CACNB4: variants seen among roughly 807,000 people sequenced by gnomAD.
CACNB4 encodes the protein voltage-dependent L-type calcium channel subunit beta-4.
A neutral mutation model predicts 71.2 loss-of-function variants in CACNB4; 32 were observed. The observed-to-expected ratio is 0.45, with a 90% CI of 0.34 to 0.60. CACNB4 has a LOEUF of 0.60. Ranked by LOEUF, CACNB4 falls within the 20% of genes least tolerant of loss-of-function variation. The pLI is 0.01. For synonymous variants in CACNB4, 231 were observed against 236.9 expected, an observed-to-expected ratio of 0.97 and a Z score of 0.23; for missense variants, 464 against 647.9, an observed-to-expected ratio of 0.72 and a Z score of 3.08.
intron 2 of CACNB4, among the ~76,000 whole-genome samples, chr2:152,045,296 C>G (rs1416578152): frequency 6.6e-6 from 1 of 152,034 alleles, no homozygotes; most frequent in Non-Finnish European, 1.5e-5. Context: ...AGAGGAGTAG[C>G]TAAAGACAAT....
At chr2:151,934,699 T>C (rs2099862494) in intron 2 of CACNB4, among the ~76,000 whole-genome samples, 5 of 152,126 alleles carry the variant, frequency 3.3e-5, no homozygotes, top group Admixed American at 3.3e-4. Flanking sequence ...TAGCTGGGCA[T>C]GGTGGTGCAC....
chr2:151,991,381 C>T (rs935741733), intron 2 of CACNB4, among the ~76,000 whole-genome samples: 1 of 152,220 alleles, frequency 6.6e-6, no homozygotes, highest in Non-Finnish European at 1.5e-5. Flanking sequence ...CTGCACAGTT[C>T]TGCTAAGCTC....
intron 2 of CACNB4, among the ~76,000 whole-genome samples, chr2:151,955,828 A>T (rs565994517): frequency 6.6e-6 from 1 of 152,012 alleles, no homozygotes; most frequent in African/African-American, 2.4e-5. Flanking sequence ...CTTGAGCCCA[A>T]GATGTCAAGG....
At chr2:152,061,523 T>C (rs927359061) in intron 2 of CACNB4, among the ~76,000 whole-genome samples, 1 of 152,034 alleles carries the variant, frequency 6.6e-6, no homozygotes, top group Non-Finnish European at 1.5e-5. Flanking sequence ...CCCAAAACTT[T>C]GTGAAGTAAA....
intron 2 of CACNB4, among the ~76,000 whole-genome samples, chr2:152,083,333 CAAGGAAGGAAGGAAGG>C (rs529138391): frequency 7.6e-6 from 1 of 131,500 alleles, no homozygotes; most frequent in Non-Finnish European, 1.6e-5. Context: ...GCAAGGAAAG[CAAGGAAGGAAGGAAGG>C]AAGGGAGGAA....
intron 9 of CACNB4, chr2:151,868,742 T>C (rs2151399199): frequency 6.7e-6 from 1 of 149,840 alleles, no homozygotes; most frequent in Admixed American, 6.8e-5. Context: ...TTTGAGGAAA[T>C]TCAGTACTTG....
intron 2 of CACNB4, among the ~76,000 whole-genome samples, chr2:152,001,875 T>G (rs1396422099): frequency 2.0e-5 from 3 of 152,220 alleles, no homozygotes; most frequent in Non-Finnish European, 2.9e-5. Flanking sequence ...CAGCAAGAGC[T>G]ATCCTCATCA....
At chr2:151,878,206 A>G (rs1033308656) in intron 4 of CACNB4, among the ~76,000 whole-genome samples, 10 of 150,206 alleles carry the variant, frequency 6.7e-5, no homozygotes, top group South Asian at 4.2e-4. Context: ...CTGTGTGTGT[A>G]TATATATATA....
intron 2 of CACNB4, among the ~76,000 whole-genome samples, chr2:152,072,901 G>A (rs1466219429): frequency 2.6e-5 from 4 of 151,354 alleles, no homozygotes; most frequent in Admixed American, 6.6e-5. Context: ...CGCCCGCCTC[G>A]GCCTCCCAAA....
intron 10 of CACNB4, chr2:151,858,198 T>C (rs1167066794): frequency 6.6e-6 from 1 of 152,202 alleles, no homozygotes; most frequent in Non-Finnish European, 1.5e-5. Flanking sequence ...TGGGGAGTCA[T>C]GGACTATGAT....
intron 9 of CACNB4, chr2:151,861,674 C>T (rs2099841684): frequency 6.6e-6 from 1 of 151,798 alleles, no homozygotes; most frequent in Non-Finnish European, 1.5e-5. Flanking sequence ...GAACCTCCGT[C>T]TCTACTAAAA....
Position 151,835,794 on chromosome 2 carries a change from T to C in CACNB4, c.*3325A>G, listed in dbSNP as rs1303220465. 6.6e-6 allele frequency: 1 copy of C among 151,820 alleles called. No individual in the cohort carries two copies. Among genetic ancestry groups the C allele is most frequent in the Non-Finnish European group, 1.5e-5 (1 of 67,718 alleles). 9.4% of individuals were successfully genotyped at this position (151,820 alleles called of 1,614,324 possible). On this transcript the variant is annotated 3_prime_UTR_variant, in exon 14 of 14. Coordinates refer to ENST00000539935, the MANE Select transcript of CACNB4 (RefSeq NM_000726.5). ...ATGCAGGTATGAAAAGAGGTTAACA[T>C]TCCAAAAATACATTTTGCAAACAAC...
At chr2:152,099,141 A>C (rs897762957), upstream of CACNB4, 12 of 554,120 alleles carry the variant, frequency 2.2e-5, no homozygotes, top group African/African-American at 2.2e-4. Flanking sequence ...GCCGGCGCCC[A>C]GGCTCCCTGC....
chr2:151,978,956 A>AC (rs953176169), intron 2 of CACNB4, among the ~76,000 whole-genome samples: 19 of 151,240 alleles, frequency 1.3e-4, no homozygotes, highest in African/African-American at 4.4e-4. Context: ...TAGTGACAGC[A>AC]CCCCCGCCCT....
At chr2:151,860,395 A>G in intron 10 of CACNB4, 1 of 375,804 alleles carries the variant, frequency 2.7e-6, no homozygotes, top group Non-Finnish European at 4.8e-6. Context: ...GACAGATATC[A>G]TTAGCCTTGT....
At chr2:151,955,560 C>G (rs1380454520) in intron 2 of CACNB4, among the ~76,000 whole-genome samples, 1 of 152,108 alleles carries the variant, frequency 6.6e-6, no homozygotes, top group African/African-American at 2.4e-5. Flanking sequence ...TCAGAAGAGG[C>G]TGGAAAAGCA....
Position 152,090,871 on chromosome 2 carries a change from C to T in CACNB4, c.147+7459G>A, listed in dbSNP as rs891150681. ...GACCAGCCTGGCCAACATGGTGAAG[C>T]CCAATCTCTACTAAAAATAGAAAAG... On this transcript the variant is annotated intron_variant, in intron 2 of 13. Coordinates refer to ENST00000539935, the MANE Select transcript of CACNB4 (RefSeq NM_000726.5). Among the ~76,000 whole-genome samples the T allele has an allele frequency of 7.2e-5, 11 of 151,742 alleles. No homozygotes were observed. In the East Asian group the frequency reaches 2.1e-3, roughly 30 times the overall value.
At chr2:151,932,390 T>C (rs2099861837) in intron 2 of CACNB4, among the ~76,000 whole-genome samples, 2 of 152,056 alleles carry the variant, frequency 1.3e-5, no homozygotes, top group East Asian at 1.9e-4. Context: ...TTAATAGCAG[T>C]CGATATACCC....
intron 2 of CACNB4, among the ~76,000 whole-genome samples, chr2:152,011,668 C>T (rs139447012): frequency 0.022 from 3,397 of 152,302 alleles, 52 homozygotes; most frequent in Non-Finnish European, 0.032. Context: ...GAATCCCAAA[C>T]GGTCCCATTT....
Sources: allele counts gnomAD v4.1 joint callset (sites outside exome capture counted in the v4.1 genomes callset), GRCh38; gene constraint gnomAD v4.1.1; transcripts MANE v1.5; gene names NCBI Gene and HGNC (gene_info 2026-07-23, HGNC 2026-07-21).